NFIC: variants seen among roughly 807,000 people sequenced by gnomAD.
NFIC encodes nuclear factor 1 C-type.
NFIC carries 12 observed loss-of-function variants against 54.4 expected under a neutral mutation model. That is an observed-to-expected ratio of 0.22 (90% CI 0.14 to 0.36). The LOEUF (loss-of-function observed/expected upper bound fraction) is 0.36. Among genes scored for constraint, NFIC ranks in the 10% least tolerant of loss-of-function variants. The pLI is 1.00. For synonymous variants in NFIC, 322 were observed against 319.2 expected, an observed-to-expected ratio of 1.01 and a Z score of -0.09; for missense variants, 575 against 718.2, an observed-to-expected ratio of 0.80 and a Z score of 2.28.
At chr19:3,421,859 C>T (rs1188926229) in intron 2 of NFIC, among the ~76,000 whole-genome samples, 2 of 152,218 alleles carry the variant, frequency 1.3e-5, no homozygotes, top group African/African-American at 4.8e-5. Context: ...CTCACTGCAC[C>T]CTTGACCTCC....
In NFIC at chr19:3,433,424, CGG is replaced by C. The variant is rs113790097; in HGVS notation, c.635-92_635-91del. 5,740 of 1,347,762 alleles carry C rather than the reference CGG, an allele frequency of 4.3e-3. 188 individuals are homozygous for C. The African/African-American group carries it at 0.071, about 17-fold the overall frequency. The allele number at this position is 1,347,762 out of a possible 1,614,324, so 83.5% of individuals were successfully genotyped here. ...GATGGACAGGGGGAACGTCCAGGCT[CGG>C]GCCAGCCCCCAGGAGTCCAGGCAGC... On this transcript the variant is annotated intron_variant, in intron 3 of 10. Coordinates refer to ENST00000443272, the MANE Select transcript of NFIC (RefSeq NM_001245002.2).
chr19:3,412,186 G>A (rs946026007), intron 2 of NFIC, among the ~76,000 whole-genome samples: 3 of 151,986 alleles, frequency 2.0e-5, no homozygotes, highest in African/African-American at 7.3e-5. Context: ...GGGCTCAGAC[G>A]ATCCACCCAC....
Position 3,459,531 on chromosome 19 carries a change from C to T in NFIC, c.1509+2896C>T, listed in dbSNP as rs1024908797. 2.2e-4 allele frequency among the ~76,000 whole-genome samples: 33 copies of T among 152,190 alleles called. No individual in the cohort carries two copies. The highest frequency in any genetic ancestry group is 8.0e-4 in the African/African-American group (33 of 41,448). On this transcript the variant is annotated intron_variant, in intron 10 of 10. Transcript: ENST00000443272. The surrounding 1 kb of genome is among the most constrained non-coding windows in gnomAD (Gnocchi z 4.2). ...CGGCTGCAGCCAGGCCAGCAGGATA[C>T]CAGAGCCCAAACCTCCCCCTTCACA...
At chr19:3,431,301 G>A (rs1241376593) in intron 3 of NFIC, among the ~76,000 whole-genome samples, 1 of 150,542 alleles carries the variant, frequency 6.6e-6, no homozygotes, top group Non-Finnish European at 1.5e-5. Context: ...TGGGATTACA[G>A]GTGTGAGCTA....
chr19:3,421,050 C>T (rs1369295897), intron 2 of NFIC, among the ~76,000 whole-genome samples: 1 of 152,212 alleles, frequency 6.6e-6, no homozygotes, highest in African/African-American at 2.4e-5. Flanking sequence ...CATCTTGTCC[C>T]TCATAAACAG....
intron 1 of NFIC, among the ~76,000 whole-genome samples, chr19:3,376,232 C>T (rs2145453506): frequency 6.6e-6 from 1 of 151,724 alleles, no homozygotes; most frequent in East Asian, 1.9e-4. Flanking sequence ...GAATTCGAGA[C>T]CAGCCTGGGC....
At chr19:3,383,264 T>G (rs936757607) in intron 2 of NFIC, among the ~76,000 whole-genome samples, 1 of 152,102 alleles carries the variant, frequency 6.6e-6, no homozygotes, top group Non-Finnish European at 1.5e-5. Context: ...GGTGGTCAAA[T>G]GCCTGATGTT....
In NFIC at chr19:3,458,731, C is replaced by G. The variant is rs527848050; in HGVS notation, c.1509+2096C>G. ...GAGATCTCCGGTGGCAGGGGCCAGA[C>G]AGATGATGCGGGCTTTGCTCTGGGG... On this transcript the variant is annotated intron_variant, in intron 10 of 10. Transcript: ENST00000443272. The surrounding 1 kb of genome is among the most constrained non-coding windows in gnomAD (Gnocchi z 4.1). 1.3e-5 allele frequency among the ~76,000 whole-genome samples: 2 copies of G among 151,972 alleles called. No homozygotes were observed. The highest frequency in any genetic ancestry group is 2.1e-4 in the South Asian group (1 of 4,802).
intron 6 of NFIC, among the ~76,000 whole-genome samples, chr19:3,440,097 C>T (rs751816467): frequency 3.3e-5 from 5 of 152,120 alleles, no homozygotes; most frequent in Admixed American, 2.0e-4. Flanking sequence ...AAGCTACAAC[C>T]GGGATGATTT....
Position 3,395,641 on chromosome 19 carries a change from C to T in NFIC, c.562+13398C>T, listed in dbSNP as rs140743822. 4.2e-3 allele frequency among the ~76,000 whole-genome samples: 645 copies of T among 151,930 alleles called. 6 individuals carry two copies. Among genetic ancestry groups the T allele is most frequent in the African/African-American group, 0.015 (607 of 41,474 alleles). ...CCTCCCAGGTAGCTGGCAGTATAGG[C>T]GTGCACCACTACGCCTGGCTGATTT... On this transcript the variant is annotated intron_variant, in intron 2 of 10. Transcript: ENST00000443272.
At chr19:3,455,350 T>C (rs904790271) in intron 9 of NFIC, among the ~76,000 whole-genome samples, 6 of 150,182 alleles carry the variant, frequency 4.0e-5, no homozygotes, top group African/African-American at 1.2e-4. Flanking sequence ...AGACACTTAA[T>C]AGATGCAGGA....
chr19:3,444,914 TGCAA>T (rs1238938365), intron 6 of NFIC, among the ~76,000 whole-genome samples: 5 of 151,836 alleles, frequency 3.3e-5, no homozygotes, highest in African/African-American at 4.8e-5. Flanking sequence ...TACGTGTGCG[TGCAA>T]GCACACATAC....
At chr19:3,366,534 CGGGGGGGGGGGTT>C (rs1378232589), upstream of NFIC, 10 of 361,528 alleles carry the variant, frequency 2.8e-5, no homozygotes, top group Admixed American at 9.8e-5. Context: ...GGCCGCGGGG[CGGGGGGGGGGGTT>C]GGGGGGGGCG....
chr19:3,381,611 G>GGTCT, intron 1 of NFIC, 101 bp from the exon 2 acceptor site: 1 of 1,469,114 alleles, frequency 6.8e-7, no homozygotes, highest in East Asian at 2.5e-5. Context: ...CCACTCTGCG[G>GGTCT]GTCTGTTCAG....
At chr19:3,427,654 C>T (rs2082046800) in intron 3 of NFIC, among the ~76,000 whole-genome samples, 1 of 150,218 alleles carries the variant, frequency 6.7e-6, no homozygotes, top group African/African-American at 2.5e-5. Flanking sequence ...CATGGTGAAA[C>T]CGTCTCTACT....
intron 10 of NFIC, among the ~76,000 whole-genome samples, chr19:3,461,497 C>CGGAT (rs1269306006): frequency 6.6e-6 from 1 of 150,996 alleles, no homozygotes; most frequent in Admixed American, 6.6e-5. Context: ...CCAAGGTGGG[C>CGGAT]GGATCACTTG....
chr19:3,432,670 CTTT>C (rs33968415), intron 3 of NFIC, among the ~76,000 whole-genome samples: 45 of 129,468 alleles, frequency 3.5e-4, no homozygotes, highest in African/African-American at 9.8e-4. Context: ...GCTTTCCGCT[CTTT>C]TTTTTTTTTT....
At chr19:3,398,308 T>C (rs1183095565) in intron 2 of NFIC, among the ~76,000 whole-genome samples, 2 of 152,252 alleles carry the variant, frequency 1.3e-5, no homozygotes, top group South Asian at 4.1e-4. Context: ...AAGTGTCACC[T>C]CCACTGGCGC....
At chr19:3,381,284 ACT>A (rs2081202044) in intron 1 of NFIC, among the ~76,000 whole-genome samples, 1 of 150,590 alleles carries the variant, frequency 6.6e-6, no homozygotes, top group Non-Finnish European at 1.5e-5. Flanking sequence ...AATCCTAGCT[ACT>A]CGGGAGGCTG....
Sources: allele counts gnomAD v4.1 joint callset (sites outside exome capture counted in the v4.1 genomes callset), GRCh38; gene constraint gnomAD v4.1.1; non-coding constraint Gnocchi (gnomAD v3.1); transcripts MANE v1.5; gene names NCBI Gene and HGNC (gene_info 2026-07-23, HGNC 2026-07-21).